MRPL39: variants seen among roughly 807,000 people sequenced by gnomAD.
MRPL39 encodes the protein mitochondrial ribosomal protein L39, also known as large ribosomal subunit protein mL39.
A neutral mutation model predicts 44.5 loss-of-function variants in MRPL39; 35 were observed. That is an observed-to-expected ratio of 0.79 (90% CI 0.60 to 1.04). The LOEUF (loss-of-function observed/expected upper bound fraction) is 1.04. Among genes scored for constraint, MRPL39 ranks in the 50% least tolerant of loss-of-function variants. The pLI, the probability that MRPL39 is intolerant of heterozygous loss-of-function variation, is 0.00. For missense variants in MRPL39, 433 were observed against 413.5 expected (o/e 1.05, Z -0.41); for synonymous variants, 139 against 136.1 (o/e 1.02, Z -0.15).
chr21:25,605,785 T>C (rs1192822295), intron 2 of MRPL39, among the ~76,000 whole-genome samples: 1 of 152,106 alleles, frequency 6.6e-6, no homozygotes, highest in Non-Finnish European at 1.5e-5. Context: ...GCACCTGTAG[T>C]CCCAGCTACT....
chr21:25,592,944 C>T lies in MRPL39; in HGVS notation c.789G>A (p.Val263=), dbSNP rs1457476495. 1 of 1,612,490 alleles carries T rather than the reference C, an allele frequency of 6.2e-7. No individual in the cohort carries two copies. The highest frequency in any genetic ancestry group is 8.5e-7 in the Non-Finnish European group (1 of 1,179,216). The change falls in exon 8 of 10, where the codon GTG becomes GTA. Residue 263 remains valine, a synonymous_variant. Transcript: ENST00000352957. ...KLHRIGDFID[V]SEGPLIPRTS... ...TTCTTGGAATAAGAGGGCCCTCACT[C>T]ACATCAATGAAGTCACCTATTCTGA...
At chr21:25,606,282 T>A (rs2031664076) in intron 2 of MRPL39, among the ~76,000 whole-genome samples, 167 bp downstream of exon 2, 1 of 152,198 alleles carries the variant, frequency 6.6e-6, no homozygotes. Flanking sequence ...AGGTCTGTGA[T>A]GTGGTGGGAG....
rs2031591105 is a variant in MRPL39 at position 25,603,887 on chromosome 21, C to G, written c.329G>C (p.Gly110Ala). 1 of 1,612,704 alleles carries G rather than the reference C, an allele frequency of 6.2e-7. No individual in the cohort carries two copies. The stretch of plus-strand genomic sequence containing the variant: ...AGGCTTATACATGTCCCAAGGCTGT[C>G]CATCCACCAGAGCCAGAATGGACTT... ...CRKSILALVD[G>A]QPWDMYKPLT... The change falls in exon 3 of 10, where the codon GGA (glycine) becomes GCA (alanine). Residue 110 changes from glycine to alanine, a missense_variant. Gly to Ala is a moderately conservative substitution (Grantham distance 60). Coordinates refer to ENST00000352957, the MANE Select transcript of MRPL39 (RefSeq NM_017446.4).
At chr21:25,601,918 C>A (rs142639487) in intron 3 of MRPL39, among the ~76,000 whole-genome samples, 1 of 152,162 alleles carries the variant, frequency 6.6e-6, no homozygotes, top group African/African-American at 2.4e-5. Flanking sequence ...CCTAACACAT[C>A]GTTCAGATTA....
At chr21:25,601,199 A>G (rs1290629693) in intron 4 of MRPL39, among the ~76,000 whole-genome samples, 169 bp downstream of exon 4, 1 of 152,226 alleles carries the variant, frequency 6.6e-6, no homozygotes, top group Non-Finnish European at 1.5e-5. Context: ...TTAATTATTA[A>G]CCTGCAAAGA....
chr21:25,588,910 T>A, intron 8 of MRPL39, 28 bp from the exon 9 acceptor site: 1 of 1,584,738 alleles, frequency 6.3e-7, no homozygotes, highest in Non-Finnish European at 8.7e-7. Flanking sequence ...TGCGATGAAC[T>A]AAATGAAGCA....
intron 9 of MRPL39, among the ~76,000 whole-genome samples, chr21:25,586,445 A>G (rs1320168099): frequency 6.6e-6 from 1 of 152,198 alleles, no homozygotes; most frequent in African/African-American, 2.4e-5. Flanking sequence ...TCTTGGCTTA[A>G]GTCACAGCTA....
chr21:25,592,444 G>C (rs2031208175), intron 8 of MRPL39, among the ~76,000 whole-genome samples: 1 of 152,028 alleles, frequency 6.6e-6, no homozygotes, highest in South Asian at 2.1e-4. Flanking sequence ...AAAATGTCAG[G>C]CTTCGGGTCA....
At chr21:25,596,345 G>T (rs1227687045) in intron 6 of MRPL39, among the ~76,000 whole-genome samples, 3 of 152,168 alleles carry the variant, frequency 2.0e-5, no homozygotes, top group Non-Finnish European at 2.9e-5. Context: ...TGATCTGCCC[G>T]CCTCGGCCTC....
In MRPL39 at chr21:25,603,882, G is replaced by A. The variant is rs897115028; in HGVS notation, c.334C>T (p.Pro112Ser). 2 of 1,612,586 alleles carry A rather than the reference G, an allele frequency of 1.2e-6. No individual in the cohort carries two copies. Among genetic ancestry groups the A allele is most frequent in the East Asian group, 2.2e-5 (1 of 44,856 alleles). ...KSILALVDGQ[P>S]WDMYKPLTKS... is the part of the protein sequence containing the mutation. ...GTTAAAGGCTTATACATGTCCCAAG[G>A]CTGTCCATCCACCAGAGCCAGAATG... Residue 112 changes from proline to serine, a missense_variant, in exon 3 of 10, where the codon CCT becomes TCT. Coordinates refer to ENST00000352957, the MANE Select transcript of MRPL39 (RefSeq NM_017446.4).
At chr21:25,589,956 G>A (rs1336161492) in intron 8 of MRPL39, among the ~76,000 whole-genome samples, 1 of 152,224 alleles carries the variant, frequency 6.6e-6, no homozygotes, top group Non-Finnish European at 1.5e-5. Flanking sequence ...GGCTTTGTGA[G>A]ACAGGGTAAA....
At position 25,592,760 on chromosome 21, in the gene MRPL39, G is replaced by A. The variant is rs774107897; in HGVS notation, c.921+52C>T. ...TCAAACTGGTATAAAATCAAGTCCG[G>A]AATTATATCTATACCCAAATTGGAA... On this transcript the variant is annotated intron_variant, in intron 8 of 9. Transcript: ENST00000352957. The A allele has an allele frequency of 5.5e-4, 768 of 1,390,792 alleles. 3 individuals are homozygous for A. Among genetic ancestry groups the A allele is most frequent in the Non-Finnish European group, 6.9e-4 (703 of 1,024,744 alleles). The allele number at this position is 1,390,792 out of a possible 1,614,324, so 86.2% of individuals were successfully genotyped here.
chr21:25,585,966 T>A (rs2030985955), intron 9 of MRPL39, among the ~76,000 whole-genome samples: 2 of 152,172 alleles, frequency 1.3e-5, no homozygotes, highest in Non-Finnish European at 2.9e-5. Flanking sequence ...TTCAAAAATA[T>A]AATCTAAGGC....
chr21:25,597,250 T>C, intron 6 of MRPL39, 52 bp downstream of exon 6: 1 of 1,166,292 alleles, frequency 8.6e-7, no homozygotes, highest in Non-Finnish European at 1.2e-6. Flanking sequence ...TTTTCTTTAT[T>C]ACATATAATA....
At chr21:25,598,579 A>G (rs1331475754) in intron 5 of MRPL39, among the ~76,000 whole-genome samples, 1 of 152,150 alleles carries the variant, frequency 6.6e-6, no homozygotes, top group African/African-American at 2.4e-5. Context: ...TTGAAAAGGA[A>G]GAAGCTACAC....
intron 2 of MRPL39, 59 bp from the exon 3 acceptor site, chr21:25,603,994 T>A: frequency 6.7e-7 from 1 of 1,483,314 alleles, no homozygotes; most frequent in Non-Finnish European, 9.2e-7. Context: ...GTTACATGTT[T>A]AAGTGCTATA....
chr21:25,590,049 T>G (rs1044769258), intron 8 of MRPL39, among the ~76,000 whole-genome samples: 1 of 152,194 alleles, frequency 6.6e-6, no homozygotes, highest in African/African-American at 2.4e-5. Context: ...AAAAGATCAC[T>G]TTGGCTACTA....
At chr21:25,607,511 C>G (rs549416788), upstream of MRPL39, 1 of 1,601,580 alleles carries the variant, frequency 6.2e-7, no homozygotes, top group African/African-American at 1.3e-5. Flanking sequence ...AAGTCCTTCT[C>G]CGCCCTCCTC....
At chr21:25,597,540 T>C (rs965034569) in intron 5 of MRPL39, 126 bp from the exon 6 acceptor site, 12 of 542,554 alleles carry the variant, frequency 2.2e-5, no homozygotes, top group African/African-American at 1.8e-4. Flanking sequence ...AAATCAAATT[T>C]GTTAGAACAG....
Sources: allele counts gnomAD v4.1 joint callset (sites outside exome capture counted in the v4.1 genomes callset), GRCh38; gene constraint gnomAD v4.1.1; transcripts MANE v1.5; gene names NCBI Gene and HGNC (gene_info 2026-07-23, HGNC 2026-07-21).